MTAP: variants seen among roughly 807,000 people sequenced by gnomAD.
MTAP encodes S-methyl-5'-thioadenosine phosphorylase.
In MTAP, 33 loss-of-function variants were observed where a neutral mutation model predicts 33.6. The ratio of observed to expected loss-of-function variants is 0.98; its 90% confidence interval spans 0.74 to 1.31. MTAP has a LOEUF of 1.31. MTAP is among the 40% of genes most tolerant of loss of function. The pLI, the probability that MTAP is intolerant of heterozygous loss-of-function variation, is 0.00. For synonymous variants in MTAP, 148 were observed against 125.7 expected (o/e 1.18, Z -1.19); for missense variants, 367 against 360.0 (o/e 1.02, Z -0.16).
chr9:21,803,882 G>A (rs183199140), intron 1 of MTAP, among the ~76,000 whole-genome samples: 3 of 152,260 alleles, frequency 2.0e-5, no homozygotes, highest in African/African-American at 7.2e-5. Flanking sequence ...AGTTTATTAC[G>A]CCCTTGCAGG....
At chr9:21,836,549 A>T (rs1825112010) in intron 4 of MTAP, among the ~76,000 whole-genome samples, 1 of 152,168 alleles carries the variant, frequency 6.6e-6, no homozygotes, top group Non-Finnish European at 1.5e-5. Flanking sequence ...TGCTTGACTC[A>T]TCAAAGGCTG....
chr9:21,840,820 G>C (rs552080868), intron 5 of MTAP, among the ~76,000 whole-genome samples: 28 of 152,308 alleles, frequency 1.8e-4, no homozygotes, highest in African/African-American at 5.5e-4. Flanking sequence ...CTGATGGAGT[G>C]GGCAGGTGGG....
intron 1 of MTAP, among the ~76,000 whole-genome samples, chr9:21,916,029 C>T (rs992719340): frequency 2.5e-5 from 3 of 118,238 alleles, no homozygotes; most frequent in East Asian, 2.8e-4. Context: ...GACTGTGTTT[C>T]GAAAGACAGA....
intron 1 of MTAP, among the ~76,000 whole-genome samples, chr9:21,811,216 ACGGC>A (rs1394945094): frequency 6.6e-6 from 1 of 152,114 alleles, no homozygotes; most frequent in Non-Finnish European, 1.5e-5. Flanking sequence ...TGGGTTCCTT[ACGGC>A]AGTGTGCCCA....
At chr9:21,860,937 C>A (rs112310681) in intron 7 of MTAP, 1 of 152,040 alleles carries the variant, frequency 6.6e-6, no homozygotes, top group Admixed American at 6.6e-5. Context: ...GAGACTAAAC[C>A]TAGTAGATGA....
chr9:21,865,740 A>T lies in MTAP; in HGVS notation c.*3726A>T. The T allele has an allele frequency of 1.9e-6, 2 of 1,040,080 alleles. No individual in the cohort carries two copies. The highest frequency in any genetic ancestry group is 7.4e-5 in the South Asian group (2 of 26,970). 64.4% of individuals were successfully genotyped at this position (1,040,080 alleles called of 1,614,324 possible). On this transcript the variant is annotated 3_prime_UTR_variant, in exon 8 of 8. Coordinates refer to ENST00000644715, the MANE Select transcript of MTAP (RefSeq NM_002451.4). Reference sequence around the variant, plus strand: ...CAGCTATGCCTTTGAGAACCTCGGGATCCCAAAGAATGAGGGGAATTTCTT... The same window carrying T: ...CAGCTATGCCTTTGAGAACCTCGGGTTCCCAAAGAATGAGGGGAATTTCTT...
intron 1 of MTAP, among the ~76,000 whole-genome samples, chr9:21,924,424 G>A (rs75712803): frequency 0.1 from 15,950 of 152,228 alleles, 2,563 homozygotes; most frequent in African/African-American, 0.35. Flanking sequence ...TGACCAGAAA[G>A]TGGAAGCATA....
chr9:21,867,827 A>G (rs75379231), downstream of MTAP, among the ~76,000 whole-genome samples: 6 of 152,332 alleles, frequency 3.9e-5, no homozygotes, highest in East Asian at 1.2e-3. Flanking sequence ...CTATAAATGC[A>G]TCTTGGAACT....
At chr9:21,822,701 C>G (rs537163834) in intron 4 of MTAP, among the ~76,000 whole-genome samples, 1 of 152,044 alleles carries the variant, frequency 6.6e-6, no homozygotes, top group Non-Finnish European at 1.5e-5. Context: ...CTTTCTGTCT[C>G]GTTGATCTGT....
At chr9:21,917,938 C>T (rs1485369609) in intron 1 of MTAP, among the ~76,000 whole-genome samples, 4 of 152,106 alleles carry the variant, frequency 2.6e-5, no homozygotes, top group East Asian at 3.9e-4. Context: ...ATGTCTTTTG[C>T]GGCAACTTGG....
chr9:21,899,825 A>C (rs1393781655), intron 1 of MTAP, among the ~76,000 whole-genome samples: 3 of 152,180 alleles, frequency 2.0e-5, no homozygotes, highest in Non-Finnish European at 4.4e-5. Context: ...CTGGTACAAA[A>C]ACAGAAACAC....
chr9:21,901,618 A>T (rs1818394347), intron 1 of MTAP, among the ~76,000 whole-genome samples: 1 of 152,192 alleles, frequency 6.6e-6, no homozygotes, highest in African/African-American at 2.4e-5. Flanking sequence ...TAGGGAGGAT[A>T]CCTCAACCTC....
At chr9:21,918,690 G>A (rs1222343122) in intron 1 of MTAP, among the ~76,000 whole-genome samples, 1 of 152,104 alleles carries the variant, frequency 6.6e-6, no homozygotes, top group East Asian at 1.9e-4. Context: ...GGTCTTTCTC[G>A]TGCTGTTCTC....
chr9:21,850,886 C>T (rs1014019105), intron 5 of MTAP, among the ~76,000 whole-genome samples: 7 of 152,148 alleles, frequency 4.6e-5, no homozygotes, highest in East Asian at 1.9e-4. Flanking sequence ...TTGCTGTGCC[C>T]GTGCATGGCC....
intron 1 of MTAP, among the ~76,000 whole-genome samples, chr9:21,899,578 A>T (rs374201064): frequency 1.1e-3 from 164 of 152,254 alleles, no homozygotes; most frequent in African/African-American, 3.8e-3. Flanking sequence ...GGTGAACGGG[A>T]AGCAAGACAC....
rs867565748 is a variant in MTAP at position 21,863,084 on chromosome 9, A to G, written c.*1070A>G. The G allele has an allele frequency of 2.0e-6, 2 of 985,364 alleles. No homozygotes were observed. Among genetic ancestry groups the G allele is most frequent in the Middle Eastern group, 5.2e-4 (1 of 1,914 alleles). The allele number at this position is 985,364 out of a possible 1,614,324, so 61.0% of individuals were successfully genotyped here. A position where few individuals can be genotyped will look rare whatever the true frequency, so the allele number is the denominator to read the frequency against. ...TTGATTTCTGTACAGTCAGAACAGT[A>G]CTTGGGTTTGCAACAGCTTTCTGAG... On this transcript the variant is annotated 3_prime_UTR_variant, in exon 8 of 8. Coordinates refer to ENST00000644715, the MANE Select transcript of MTAP (RefSeq NM_002451.4).
intron 4 of MTAP, among the ~76,000 whole-genome samples, chr9:21,822,338 C>G (rs1328978361): frequency 6.6e-6 from 1 of 152,134 alleles, no homozygotes; most frequent in East Asian, 1.9e-4. Context: ...TGTATTTGTT[C>G]TCATTGGTTT....
chr9:21,833,181 A>T (rs985079133), intron 4 of MTAP, among the ~76,000 whole-genome samples: 1 of 152,120 alleles, frequency 6.6e-6, no homozygotes, highest in South Asian at 2.1e-4. Context: ...GTCCAAATTC[A>T]TAAGTTTTCA....
At chr9:21,923,899 A>G (rs1818826871) in intron 1 of MTAP, among the ~76,000 whole-genome samples, 1 of 152,204 alleles carries the variant, frequency 6.6e-6, no homozygotes, top group Admixed American at 6.5e-5. Context: ...GGCCAGCCCA[A>G]GGCTGCAGGT....
Sources: gnomAD v4.1 joint callset for allele counts (sites outside exome capture counted in the v4.1 genomes callset) on GRCh38, gnomAD v4.1.1 for gene constraint, MANE v1.5 for transcripts, NCBI Gene and HGNC (gene_info 2026-07-23, HGNC 2026-07-21) for gene names.